MALRD1: variants seen among roughly 807,000 people sequenced by gnomAD.
MALRD1 encodes MAM and LDL-receptor class A domain-containing protein 1.
A neutral mutation model predicts 242.1 loss-of-function variants in MALRD1; 247 were observed. The observed-to-expected ratio is 1.02, with a 90% CI of 0.92 to 1.13. The LOEUF (loss-of-function observed/expected upper bound fraction) is 1.13. MALRD1 is among the 50% of genes most tolerant of loss of function. MALRD1 has a pLI of 0.00. For synonymous variants in MALRD1, 995 were observed against 866.6 expected, an observed-to-expected ratio of 1.15 and a Z score of -2.60; for missense variants, 2,989 against 2,533.1, an observed-to-expected ratio of 1.18 and a Z score of -3.86.
At chr10:19,599,354 T>C (rs969141908) in intron 34 of MALRD1, among the ~76,000 whole-genome samples, 2 of 152,160 alleles carry the variant, frequency 1.3e-5, no homozygotes, top group Non-Finnish European at 2.9e-5. Flanking sequence ...ACACTTCGTA[T>C]TGAATATTGT....
At chr10:19,437,405 T>G (rs1353349776) in intron 28 of MALRD1, among the ~76,000 whole-genome samples, 1 of 152,158 alleles carries the variant, frequency 6.6e-6, no homozygotes, top group Non-Finnish European at 1.5e-5. Context: ...TCTGGAAGCT[T>G]GTGACATTTT....
At chr10:19,341,060 T>G (rs1843824345) in intron 24 of MALRD1, among the ~76,000 whole-genome samples, 1 of 152,114 alleles carries the variant, frequency 6.6e-6, no homozygotes. Context: ...TAAGCAAATA[T>G]TTATTGGTTT....
chr10:19,289,732 T>C (rs1841315724), intron 21 of MALRD1, among the ~76,000 whole-genome samples: 1 of 152,218 alleles, frequency 6.6e-6, no homozygotes, highest in Admixed American at 6.5e-5. Flanking sequence ...TTTTTGTGTT[T>C]GAAGGAAAAC....
chr10:19,225,326 A>G (rs1269196670), intron 18 of MALRD1, among the ~76,000 whole-genome samples: 2 of 152,162 alleles, frequency 1.3e-5, no homozygotes, highest in Non-Finnish European at 2.9e-5. Flanking sequence ...GACACTTCCC[A>G]TAGTGTCAGA....
chr10:19,124,379 T>C lies in MALRD1; in HGVS notation c.797-145T>C, dbSNP rs139921763. On this transcript the variant is annotated intron_variant, in intron 6 of 39. Coordinates refer to ENST00000454679, the MANE Select transcript of MALRD1 (RefSeq NM_001142308.3). ...AGTTGCTGGTACACTCGAAGGCTTA[T>C]TGAATCCAAACTTGCAGATATAAAT... is the stretch of plus-strand genomic sequence containing the variant. The C allele has an allele frequency of 4.2e-4, 309 of 738,568 alleles. 1 individual carries two copies. In the African/African-American group the frequency reaches 4.4e-3, roughly 11 times the overall value. The allele number at this position is 738,568 out of a possible 1,614,324, so 45.8% of individuals were successfully genotyped here.
intron 21 of MALRD1, among the ~76,000 whole-genome samples, chr10:19,285,118 A>G (rs1588851152): frequency 7.3e-6 from 1 of 136,726 alleles, no homozygotes; most frequent in Admixed American, 7.5e-5. Flanking sequence ...TTTCTTGTAA[A>G]TTTGTTTGAG....
chr10:19,562,433 TC>T (rs1010567362), intron 32 of MALRD1, among the ~76,000 whole-genome samples: 1 of 152,076 alleles, frequency 6.6e-6, no homozygotes, highest in African/African-American at 2.4e-5. Flanking sequence ...TCAAAAGAGT[TC>T]CTCCCCTCAA....
intron 36 of MALRD1, among the ~76,000 whole-genome samples, chr10:19,618,052 C>G (rs934453683): frequency 6.6e-6 from 1 of 152,036 alleles, no homozygotes; most frequent in Non-Finnish European, 1.5e-5. Flanking sequence ...CATCATTTAG[C>G]TCACACTTAT....
At chr10:19,073,804 CAT>C (rs758986015) in intron 2 of MALRD1, among the ~76,000 whole-genome samples, 7 of 152,006 alleles carry the variant, frequency 4.6e-5, no homozygotes, top group Non-Finnish European at 1.0e-4. Context: ...CTTTGAGACA[CAT>C]GTTTGGGAAT....
At chr10:19,462,289 C>T (rs1835985611) in intron 29 of MALRD1, among the ~76,000 whole-genome samples, 1 of 152,232 alleles carries the variant, frequency 6.6e-6, no homozygotes, top group Non-Finnish European at 1.5e-5. Flanking sequence ...TATCTACCTG[C>T]CCTAATCATC....
chr10:19,468,970 G>A (rs950680713), intron 29 of MALRD1, among the ~76,000 whole-genome samples: 2 of 150,746 alleles, frequency 1.3e-5, no homozygotes, highest in South Asian at 2.1e-4. Flanking sequence ...ATTTCCTATC[G>A]TGAAATGCAT....
chr10:19,699,804 A>G lies in MALRD1; in HGVS notation c.6314+7250A>G, dbSNP rs147414973. 7.2e-3 allele frequency among the ~76,000 whole-genome samples: 1,102 copies of G among 152,058 alleles called. 10 individuals are homozygous for G. Among genetic ancestry groups the G allele is most frequent in the African/African-American group, 0.015 (639 of 41,454 alleles). ...AAGTGCCACACACTTTTAAACGACC[A>G]GATCTGGTGAGACCTCACTCACTAC... On this transcript the variant is annotated intron_variant, in intron 38 of 39. Coordinates refer to ENST00000454679, the MANE Select transcript of MALRD1 (RefSeq NM_001142308.3).
At chr10:19,117,930 C>A (rs561638168) in intron 5 of MALRD1, among the ~76,000 whole-genome samples, 1 of 151,480 alleles carries the variant, frequency 6.6e-6, no homozygotes, top group Admixed American at 6.7e-5. Context: ...TTTAGATAGT[C>A]GTGTGATAGC....
chr10:19,076,805 T>C (rs772000518), intron 2 of MALRD1, among the ~76,000 whole-genome samples: 3 of 151,978 alleles, frequency 2.0e-5, no homozygotes, highest in Non-Finnish European at 4.4e-5. Flanking sequence ...TGTATTTTAG[T>C]ATTAATTTGC....
chr10:19,146,260 G>T lies in MALRD1; in HGVS notation c.1474G>T (p.Asp492Tyr). 1.6e-6 allele frequency: 2 copies of T among 1,231,646 alleles called. No homozygotes were observed. Among genetic ancestry groups the T allele is most frequent in the Non-Finnish European group, 2.0e-6 (2 of 987,934 alleles). 76.3% of individuals were successfully genotyped at this position (1,231,646 alleles called of 1,614,324 possible). A position where few individuals can be genotyped will look rare whatever the true frequency, so the allele number is the denominator to read the frequency against. ...FCGWEPFLTE[D>Y]SHWKLMKGLN... ...CGGTTGGGAGCCATTTCTCACAGAA[G>T]ATTCACACTGGAAGCTGATGAAAGG... Residue 492 changes from aspartate (D) to tyrosine (Y), a missense_variant, in exon 11 of 40, where the codon GAT becomes TAT. Physicochemically the swap from Asp to Tyr is radical, Grantham distance 160. Transcript: ENST00000454679.
At chr10:19,359,237 T>G (rs1396227197) in intron 26 of MALRD1, among the ~76,000 whole-genome samples, 1 of 152,146 alleles carries the variant, frequency 6.6e-6, no homozygotes, top group Non-Finnish European at 1.5e-5. Context: ...GTTTTCCCAA[T>G]AAAACACTTC....
rs1025358196 is a variant in MALRD1 at position 19,595,306 on chromosome 10, T to C, written c.5793T>C (p.Asp1931=). Residue 1931 remains aspartate (D), a synonymous_variant, in exon 34 of 40, where the codon GAT becomes GAC. Transcript: ENST00000454679. ...GKCDGHEDCI[D]GSDEMDCPLS... is the part of the protein sequence containing the mutation. ...GTGATGGACATGAAGACTGCATAGA[T>C]GGATCTGATGAAATGGATTGTCCTC... 64 of 1,550,716 alleles carry C rather than the reference T, an allele frequency of 4.1e-5. No individual in the cohort carries two copies. In the African/African-American group the frequency reaches 7.4e-4, roughly 18 times the overall value.
In MALRD1 at chr10:19,607,895, C is replaced by G. The variant is rs1564480811; in HGVS notation, c.6063C>G (p.Ser2021Arg). Residue 2021 changes from serine (S) to arginine (R), a missense_variant, in exon 35 of 40, where the codon AGC becomes AGG. Physicochemically the swap from Ser to Arg is moderately radical, Grantham distance 110. Coordinates refer to ENST00000454679, the MANE Select transcript of MALRD1 (RefSeq NM_001142308.3). ...TGGATTTCCAGCTTGATGAGTCCAG[C>G]TGCTCCGGTACCCCATTTCCATTCA... ...DCMDFQLDES[S>R]CSECPLNYCR... is the part of the protein sequence containing the mutation. 4 of 1,549,568 alleles carry G rather than the reference C, an allele frequency of 2.6e-6. No homozygotes were observed. The highest frequency in any genetic ancestry group is 2.7e-5 in the African/African-American group (2 of 72,946).
At chr10:19,164,468 G>T (rs1487493806) in intron 12 of MALRD1, among the ~76,000 whole-genome samples, 1 of 152,050 alleles carries the variant, frequency 6.6e-6, no homozygotes, top group Non-Finnish European at 1.5e-5. Flanking sequence ...AAATGTCACT[G>T]AATCTAAAGA....
Sources: gnomAD v4.1 joint callset for allele counts (sites outside exome capture counted in the v4.1 genomes callset) on GRCh38, gnomAD v4.1.1 for gene constraint, MANE v1.5 for transcripts, NCBI Gene and HGNC (gene_info 2026-07-23, HGNC 2026-07-21) for gene names.